RPH3A: variants seen among roughly 807,000 people sequenced by gnomAD.
The protein encoded by RPH3A is rabphilin 3A.
A neutral mutation model predicts 102.2 loss-of-function variants in RPH3A; 48 were observed. The ratio of observed to expected loss-of-function variants is 0.47; its 90% CI spans 0.37 to 0.60. The LOEUF is 0.60. RPH3A is among the 20% of genes least tolerant of loss of function. The probability of loss-of-function intolerance (pLI) is 0.00; values close to 1 mark genes in which losing one functional copy is unlikely to be tolerated. For synonymous variants in RPH3A, 310 were observed against 324.3 expected (o/e 0.96, Z 0.47); for missense variants, 781 against 910.1 (o/e 0.86, Z 1.83).
intron 1 of RPH3A, among the ~76,000 whole-genome samples, chr12:112,664,826 T>TG (rs1017254984): frequency 2.6e-5 from 4 of 152,158 alleles, no homozygotes; most frequent in African/African-American, 9.6e-5. Context: ...GCGCACCCAC[T>TG]GCACGGCCTC....
intron 5 of RPH3A, among the ~76,000 whole-genome samples, chr12:112,856,914 TC>T (rs2042420672): frequency 6.6e-6 from 1 of 152,172 alleles, no homozygotes; most frequent in African/African-American, 2.4e-5. Context: ...TAAGGAGATT[TC>T]CTGGGGTCAC....
intron 13 of RPH3A, among the ~76,000 whole-genome samples, chr12:112,878,578 G>A (rs1052276000): frequency 3.9e-5 from 6 of 152,206 alleles, no homozygotes; most frequent in African/African-American, 1.4e-4. Context: ...AGTGGAGACA[G>A]AGCACCATAA....
intron 1 of RPH3A, among the ~76,000 whole-genome samples, chr12:112,731,851 C>T (rs2040636263): frequency 1.3e-5 from 2 of 152,180 alleles, no homozygotes; most frequent in Non-Finnish European, 2.9e-5. Context: ...AGTCCTTGTA[C>T]ATTTTTCTCT....
chr12:112,747,783 A>G (rs2040759250), intron 1 of RPH3A, among the ~76,000 whole-genome samples: 1 of 152,204 alleles, frequency 6.6e-6, no homozygotes, highest in African/African-American at 2.4e-5. Flanking sequence ...CATCAGGAAT[A>G]TAGAAGTTTA....
At chr12:112,694,573 G>A (rs2040331786) in intron 1 of RPH3A, among the ~76,000 whole-genome samples, 2 of 152,152 alleles carry the variant, frequency 1.3e-5, no homozygotes, top group South Asian at 4.2e-4. Flanking sequence ...GAGAGACAGA[G>A]AGAGAGAGAA....
rs578030838 is a variant in RPH3A at position 112,792,529 on chromosome 12, A to G, written c.-19+266A>G. On this transcript the variant is annotated intron_variant, in intron 2 of 21. Coordinates refer to ENST00000389385, the MANE Select transcript of RPH3A (RefSeq NM_001143854.2). ...CGATCAAGATTGTGGCTTCTGCCCA[A>G]TTTGCCCTCTCCTTTGCAGCAGAAG... 1.8e-4 allele frequency among the ~76,000 whole-genome samples: 27 copies of G among 152,298 alleles called. 1 individual carries two copies. Among genetic ancestry groups the G allele is most frequent in the Non-Finnish European group, 3.2e-4 (22 of 68,036 alleles).
chr12:112,761,586 G>A (rs2040855475), intron 1 of RPH3A, among the ~76,000 whole-genome samples: 1 of 152,212 alleles, frequency 6.6e-6, no homozygotes, highest in African/African-American at 2.4e-5. Context: ...GCAAGAGGCG[G>A]GGCTCCTGGC....
At chr12:112,716,243 G>A (rs539291748) in intron 1 of RPH3A, among the ~76,000 whole-genome samples, 2 of 152,198 alleles carry the variant, frequency 1.3e-5, no homozygotes, top group African/African-American at 4.8e-5. Flanking sequence ...CTAACCTCCT[G>A]GGAATGCAGC....
chr12:112,875,720 C>T lies in RPH3A; in HGVS notation c.925C>T (p.Arg309Cys), dbSNP rs780920281. The change falls in exon 12 of 22, where the codon CGC (arginine) becomes TGC (cysteine). Residue 309 changes from arginine (R) to cysteine (C), a missense_variant. By Grantham distance (180) the Arg-to-Cys change is radical. Transcript: ENST00000389385. The part of the protein sequence containing the change: ...GSRPGPGPAG[R>C]FPDQKPEVAP... ...CAGACCGGGTCCTGGGCCAGCAGGA[C>T]GCTTTCCAGATCAGAAGCCAGGCAA... 2.0e-4 allele frequency: 317 copies of T among 1,613,844 alleles called. No individual in the cohort carries two copies. Among genetic ancestry groups the T allele is most frequent in the Non-Finnish European group, 2.5e-4 (290 of 1,179,970 alleles).
rs1683932533 is a variant in RPH3A at position 112,897,536 on chromosome 12, T to A, written c.*756T>A. 1 of 152,418 alleles carries A rather than the reference T, an allele frequency of 6.6e-6. No individual in the cohort carries two copies. Among genetic ancestry groups the A allele is most frequent in the Admixed American group, 6.5e-5 (1 of 15,274 alleles). The allele number at this position is 152,418 out of a possible 1,614,324, so 9.4% of individuals were successfully genotyped here. On this transcript the variant is annotated 3_prime_UTR_variant, in exon 22 of 22. Coordinates refer to ENST00000389385, the MANE Select transcript of RPH3A (RefSeq NM_001143854.2). Reference sequence around the variant, plus strand: ...CTTCCATGATAGTAGATTCTCTCTTTCTCAGCCTCTCCCCTCTCCTTTCTC... The same window carrying A: ...CTTCCATGATAGTAGATTCTCTCTTACTCAGCCTCTCCCCTCTCCTTTCTC...
intron 2 of RPH3A, among the ~76,000 whole-genome samples, chr12:112,809,858 T>TGGAGTGAAGTGCCTCAGGGC (rs2041537827): frequency 6.6e-6 from 1 of 152,134 alleles, no homozygotes; most frequent in South Asian, 2.1e-4. Flanking sequence ...TCCAGAAACA[T>TGGAGTGAAGTGCCTCAGGGC]GGAGTGAAGT....
intron 2 of RPH3A, among the ~76,000 whole-genome samples, chr12:112,796,186 G>T (rs1260160621): frequency 1.3e-5 from 2 of 152,216 alleles, no homozygotes; most frequent in African/African-American, 4.8e-5. Flanking sequence ...GTAGGCCCCA[G>T]AGAAGAATTC....
chr12:112,691,459 G>T (rs1337272839), intron 1 of RPH3A, among the ~76,000 whole-genome samples: 1 of 152,150 alleles, frequency 6.6e-6, no homozygotes, highest in Non-Finnish European at 1.5e-5. Flanking sequence ...GCAATAACTT[G>T]CTTTTATTTT....
chr12:112,705,832 C>G (rs1418772641), intron 1 of RPH3A, among the ~76,000 whole-genome samples: 4 of 152,086 alleles, frequency 2.6e-5, no homozygotes, highest in African/African-American at 9.7e-5. Flanking sequence ...AGTGTATCAA[C>G]AGCATGTTAA....
At chr12:112,804,849 C>T (rs143655757) in intron 2 of RPH3A, among the ~76,000 whole-genome samples, 277 of 152,280 alleles carry the variant, frequency 1.8e-3, no homozygotes, top group African/African-American at 6.4e-3. Context: ...GCAGCCAATA[C>T]GAACTCTTTC....
intron 2 of RPH3A, among the ~76,000 whole-genome samples, chr12:112,797,347 G>T (rs1238439880): frequency 6.6e-6 from 1 of 152,196 alleles, no homozygotes; most frequent in African/African-American, 2.4e-5. Flanking sequence ...CTTGGAGCAG[G>T]GGGAGGGGGC....
At chr12:112,860,736 A>C (rs2042495914) in intron 5 of RPH3A, among the ~76,000 whole-genome samples, 1 of 152,194 alleles carries the variant, frequency 6.6e-6, no homozygotes, top group South Asian at 2.1e-4. Flanking sequence ...GCTGTGGCTG[A>C]GTGACCCAGG....
intron 4 of RPH3A, among the ~76,000 whole-genome samples, chr12:112,837,396 T>C (rs2042071458): frequency 6.6e-6 from 1 of 152,190 alleles, no homozygotes; most frequent in Non-Finnish European, 1.5e-5. Flanking sequence ...CTTACCCTTA[T>C]GTTTATATAG....
At chr12:112,807,871 T>G (rs1481017675) in intron 2 of RPH3A, among the ~76,000 whole-genome samples, 1 of 152,176 alleles carries the variant, frequency 6.6e-6, no homozygotes, top group Non-Finnish European at 1.5e-5. Flanking sequence ...TCCCTGGCAC[T>G]TGGCACCGTG....
Sources: allele counts gnomAD v4.1 joint callset (sites outside exome capture counted in the v4.1 genomes callset), GRCh38; gene constraint gnomAD v4.1.1; transcripts MANE v1.5; gene names NCBI Gene and HGNC (gene_info 2026-07-23, HGNC 2026-07-21).